Variants in G2E3 observed in about 807,000 individuals in gnomAD.
G2E3 encodes G2/M phase-specific E3 ubiquitin-protein ligase.
Under a neutral mutation model 92.8 loss-of-function variants are expected in G2E3, and 35 were observed. That is an observed-to-expected ratio of 0.38 (90% confidence interval 0.29 to 0.50). The LOEUF (loss-of-function observed/expected upper bound fraction) is 0.50, where lower values mean the gene tolerates loss of function less well. Ranked by LOEUF, G2E3 falls within the 20% of genes least tolerant of loss-of-function variation. The probability of loss-of-function intolerance (pLI) is 0.94; values close to 1 mark genes in which losing one functional copy is unlikely to be tolerated. For missense variants in G2E3, 554 were observed against 823.8 expected (o/e 0.67, Z 4.01); for synonymous variants, 242 against 272.4 (o/e 0.89, Z 1.10).
intron 1 of G2E3, among the ~76,000 whole-genome samples, chr14:30,569,201 G>A (rs887609750): frequency 6.6e-6 from 1 of 152,106 alleles, no homozygotes; most frequent in African/African-American, 2.4e-5. Context: ...TCTCTCCCCA[G>A]GGATAACCAC....
chr14:30,593,008 G>A (rs963612418), intron 5 of G2E3, among the ~76,000 whole-genome samples: 6 of 152,208 alleles, frequency 3.9e-5, no homozygotes, highest in South Asian at 4.1e-4. Context: ...TTGTTATCAT[G>A]TAAGAAAACT....
intron 2 of G2E3, among the ~76,000 whole-genome samples, chr14:30,582,824 G>T (rs891482595): frequency 6.6e-6 from 1 of 152,294 alleles, no homozygotes; most frequent in Non-Finnish European, 1.5e-5. Context: ...CCAGAGTGAG[G>T]GAGGGCAGAG....
rs371193787 is a variant in G2E3 at position 30,569,182 on chromosome 14, T to C, written c.-5+9910T>C. Among the ~76,000 whole-genome samples, 196 of 152,270 alleles carry C rather than the reference T, an allele frequency of 1.3e-3. 2 individuals are homozygous for C. The highest frequency in any genetic ancestry group is 4.4e-3 in the African/African-American group (183 of 41,576). ...ATAAGAAATTAAAAGAAAAAGCCCC[T>C]ACCCCTTCTCTCTCCCCAGGGATAA... On this transcript the variant is annotated intron_variant, in intron 1 of 14. Coordinates refer to ENST00000206595, the MANE Select transcript of G2E3 (RefSeq NM_017769.5).
At chr14:30,566,010 G>A (rs375653876) in intron 1 of G2E3, among the ~76,000 whole-genome samples, 5 of 152,188 alleles carry the variant, frequency 3.3e-5, no homozygotes, top group East Asian at 1.9e-4. Flanking sequence ...ACCATTTGTC[G>A]AAGAGACTGT....
intron 1 of G2E3, chr14:30,577,705 T>C (rs954124213): frequency 1.3e-5 from 2 of 152,262 alleles, no homozygotes; most frequent in African/African-American, 4.8e-5. Context: ...CAATGCCTTT[T>C]ATGACATTGT....
chr14:30,581,965 C>T (rs1880459597), intron 2 of G2E3, among the ~76,000 whole-genome samples: 1 of 152,174 alleles, frequency 6.6e-6, no homozygotes, highest in South Asian at 2.1e-4. Context: ...TCTTACAACT[C>T]TATATCTTGA....
intron 1 of G2E3, among the ~76,000 whole-genome samples, chr14:30,578,265 G>A (rs748904729): frequency 2.0e-5 from 3 of 152,100 alleles, no homozygotes; most frequent in Admixed American, 6.5e-5. Context: ...CAACTTTTAG[G>A]TAATTTGATA....
chr14:30,589,285 T>C (rs1020381279), intron 3 of G2E3, 98 bp from the exon 4 acceptor site: 2 of 681,392 alleles, frequency 2.9e-6, no homozygotes, highest in South Asian at 2.0e-5. Flanking sequence ...AGCCATTTTA[T>C]GTCTGTTTTT....
At chr14:30,590,464 CAG>C in intron 4 of G2E3, 1 of 325,962 alleles carries the variant, frequency 3.1e-6, no homozygotes, top group South Asian at 2.6e-5. Context: ...TAATATTCAA[CAG>C]AGAACTAAAA....
At chr14:30,607,032 T>A (rs913005382) in intron 11 of G2E3, among the ~76,000 whole-genome samples, 4 of 152,142 alleles carry the variant, frequency 2.6e-5, no homozygotes. Context: ...TATGTGAGTA[T>A]GTTGACTGTA....
chr14:30,584,581 G>A (rs1880603879), intron 2 of G2E3, among the ~76,000 whole-genome samples: 1 of 152,196 alleles, frequency 6.6e-6, no homozygotes, highest in East Asian at 1.9e-4. Flanking sequence ...TTGTGAGTGT[G>A]AAGTGGTATC....
chr14:30,569,504 A>G (rs971149354), intron 1 of G2E3, among the ~76,000 whole-genome samples: 1 of 152,242 alleles, frequency 6.6e-6, no homozygotes, highest in Non-Finnish European at 1.5e-5. Context: ...GGTAGCAGAT[A>G]CATTGTCCTG....
intron 1 of G2E3, among the ~76,000 whole-genome samples, chr14:30,567,835 A>G (rs1013003018): frequency 6.6e-6 from 1 of 151,784 alleles, no homozygotes; most frequent in Non-Finnish European, 1.5e-5. Flanking sequence ...TAATCTCCAT[A>G]TGTTTCTCAG....
At position 30,616,410 on chromosome 14, in the gene G2E3, G is replaced by C. The variant is rs534705779; in HGVS notation, c.1997G>C (p.Cys666Ser). The change falls in exon 15 of 15, where the codon TGT (cysteine) becomes TCT (serine). Residue 666 changes from cysteine to serine, a missense_variant. Cys to Ser is a moderately radical substitution (Grantham distance 112). Around this residue, in one of 3 missense-constraint regions of G2E3, gnomAD observed 397 missense variants for 560.3 expected, o/e 0.71. Transcript: ENST00000206595. Reference protein sequence around the residue: ...LHVDFPVGNKCNNCLAIPITN... With the variant: ...LHVDFPVGNKSNNCLAIPITN... ...GTGGATTTTCCTGTTGGAAACAAGT[G>C]TAATAACTGTTTAGCAATTCCCATC... 1.2e-6 allele frequency: 2 copies of C among 1,612,646 alleles called. No individual in the cohort carries two copies. The highest frequency in any genetic ancestry group is 2.2e-5 in the South Asian group (2 of 91,020).
intron 1 of G2E3, among the ~76,000 whole-genome samples, chr14:30,579,990 T>G (rs1018330042): frequency 6.6e-6 from 1 of 152,180 alleles, no homozygotes; most frequent in African/African-American, 2.4e-5. Flanking sequence ...TAGAGAAAAG[T>G]TATATTTCAG....
At chr14:30,582,292 A>G (rs1357925771) in intron 2 of G2E3, among the ~76,000 whole-genome samples, 2 of 152,222 alleles carry the variant, frequency 1.3e-5, no homozygotes, top group African/African-American at 4.8e-5. Context: ...TTAATAATAA[A>G]TATAATGAAA....
intron 1 of G2E3, among the ~76,000 whole-genome samples, chr14:30,574,091 T>C (rs900873094): frequency 1.3e-5 from 2 of 152,198 alleles, no homozygotes; most frequent in African/African-American, 4.8e-5. Context: ...CTCTTTATTA[T>C]TTTCCACATT....
chr14:30,584,710 G>C (rs1403169570), intron 2 of G2E3, among the ~76,000 whole-genome samples: 1 of 151,200 alleles, frequency 6.6e-6, no homozygotes, highest in Non-Finnish European at 1.5e-5. Context: ...TTCAAATCTA[G>C]TGCCTATTTT....
rs137864399 is a variant in G2E3, at chr14:30,608,775, A to G, written c.1500+706A>G. Among the ~76,000 whole-genome samples the G allele has an allele frequency of 1.0e-3, 158 of 152,368 alleles. 1 individual carries two copies. Among genetic ancestry groups the G allele is most frequent in the Admixed American group, 6.4e-3 (98 of 15,308 alleles). ...CTTAACCTCCCTCCTACTTAAGCATATTCTATCCATTGTCTCAATTAACAG... is the reference window on the plus strand; with the variant it reads ...CTTAACCTCCCTCCTACTTAAGCATGTTCTATCCATTGTCTCAATTAACAG... On this transcript the variant is annotated intron_variant, in intron 12 of 14. Coordinates refer to ENST00000206595, the MANE Select transcript of G2E3 (RefSeq NM_017769.5).
Sources: gnomAD v4.1 joint callset for allele counts (sites outside exome capture counted in the v4.1 genomes callset) on GRCh38, gnomAD v4.1.1 for gene constraint, gnomAD v4.1.1 regional missense constraint, MANE v1.5 for transcripts, NCBI Gene and HGNC (gene_info 2026-07-23, HGNC 2026-07-21) for gene names.